The following CFAP77 variants were observed in gnomAD, a reference collection of about 807,000 sequenced individuals.
CFAP77 encodes cilia- and flagella-associated protein 77.
CFAP77 carries 25 observed loss-of-function variants against 31.1 expected under a neutral mutation model. The observed-to-expected ratio is 0.80, with a 90% CI of 0.59 to 1.12. CFAP77 has a LOEUF of 1.12. Ranked by LOEUF, CFAP77 falls within the 50% of genes most tolerant of loss-of-function variation. The probability of loss-of-function intolerance (pLI) is 0.00; values close to 1 mark genes in which losing one functional copy is unlikely to be tolerated. For missense variants in CFAP77, 377 were observed against 397.3 expected, an observed-to-expected ratio of 0.95 and a Z score of 0.44; for synonymous variants, 151 against 159.9, an observed-to-expected ratio of 0.94 and a Z score of 0.42.
chr9:132,483,936 CTTT>C (rs1193968732), intron 1 of CFAP77, among the ~76,000 whole-genome samples: 3 of 132,980 alleles, frequency 2.3e-5, no homozygotes. Context: ...GAGGTATTGT[CTTT>C]TTTTTTTTTT....
intron 4 of CFAP77, among the ~76,000 whole-genome samples, chr9:132,538,246 C>G (rs1431407868): frequency 6.6e-6 from 1 of 152,218 alleles, no homozygotes; most frequent in African/African-American, 2.4e-5. Context: ...GACGTGCATC[C>G]TCTCATCTAT....
rs1020872765 is a variant in CFAP77 at position 132,573,304 on chromosome 9, G to A, written c.*794G>A. 2 of 152,172 alleles carry A rather than the reference G, an allele frequency of 1.3e-5. No homozygotes were observed. Among genetic ancestry groups the A allele is most frequent in the South Asian group, 2.1e-4 (1 of 4,822 alleles). 9.4% of individuals were successfully genotyped at this position (152,172 alleles called of 1,614,324 possible). On this transcript the variant is annotated 3_prime_UTR_variant, in exon 6 of 6. Transcript: ENST00000393216. ...TGCTGATCTATTTTAAATTAAAAAT[G>A]CTATTTGTCATCCTCCTTTTGTGTC...
intron 1 of CFAP77, among the ~76,000 whole-genome samples, chr9:132,459,754 A>ATGTG (rs755805747): frequency 4.8e-4 from 63 of 132,190 alleles, no homozygotes; most frequent in Non-Finnish European, 8.6e-4. Flanking sequence ...GTGTGTGTGT[A>ATGTG]TGTGTGTGTA....
chr9:132,532,857 C>T (rs940631337), intron 3 of CFAP77, among the ~76,000 whole-genome samples: 3 of 151,998 alleles, frequency 2.0e-5, no homozygotes, highest in African/African-American at 4.8e-5. Flanking sequence ...GAGACCAGCC[C>T]GGGCAACATA....
intron 3 of CFAP77, among the ~76,000 whole-genome samples, chr9:132,506,987 C>T (rs967725787): frequency 3.3e-5 from 5 of 152,160 alleles, no homozygotes; most frequent in Admixed American, 3.3e-4. Flanking sequence ...TTTTCCAGCA[C>T]TAGAAGGGGG....
At chr9:132,426,114 C>T (rs1850308401) in intron 1 of CFAP77, among the ~76,000 whole-genome samples, 1 of 152,198 alleles carries the variant, frequency 6.6e-6, no homozygotes, top group African/African-American at 2.4e-5. Flanking sequence ...ATGTATATTT[C>T]TTTGTCTCCC....
chr9:132,538,883 C>G (rs937264589), intron 4 of CFAP77, among the ~76,000 whole-genome samples: 2 of 151,942 alleles, frequency 1.3e-5, no homozygotes, highest in Non-Finnish European at 2.9e-5. Flanking sequence ...GTCCGGAGAT[C>G]GAGACCATCC....
At chr9:132,522,422 G>C (rs1852285535) in intron 3 of CFAP77, among the ~76,000 whole-genome samples, 2 of 152,136 alleles carry the variant, frequency 1.3e-5, no homozygotes, top group Admixed American at 1.3e-4. Context: ...TGCTCATTTA[G>C]TGAGGATAAA....
At chr9:132,485,477 G>A (rs1324607861) in intron 1 of CFAP77, among the ~76,000 whole-genome samples, 6 of 152,158 alleles carry the variant, frequency 3.9e-5, no homozygotes, top group Admixed American at 3.3e-4. Context: ...CCAATCATGC[G>A]CCAAATGGTT....
chr9:132,508,004 C>T (rs1359158782), intron 3 of CFAP77, among the ~76,000 whole-genome samples: 3 of 152,182 alleles, frequency 2.0e-5, no homozygotes, highest in Non-Finnish European at 2.9e-5. Flanking sequence ...GGTCCCAGAG[C>T]GCAGGGAGAA....
intron 1 of CFAP77, among the ~76,000 whole-genome samples, chr9:132,417,154 G>A (rs11243772): frequency 0.12 from 16,504 of 141,726 alleles, 1,196 homozygotes; most frequent in East Asian, 0.36. Context: ...TCACTCTTTC[G>A]CCCAGGCTGG....
Position 132,487,886 on chromosome 9 carries a change from G to A in CFAP77, c.196-10809G>A, listed in dbSNP as rs541531301. Among the ~76,000 whole-genome samples the A allele has an allele frequency of 3.4e-4, 51 of 152,162 alleles. 1 individual carries two copies. Among genetic ancestry groups the A allele is most frequent in the African/African-American group, 1.2e-3 (48 of 41,504 alleles). On this transcript the variant is annotated intron_variant, in intron 1 of 5. Transcript: ENST00000393216. ...ATGGAAATAAATAAATATCCTCTAT[G>A]CTAATAATGATCACAATTTGCATTT...
rs1937311311 is a variant in CFAP77, at chr9:132,499,576, A to G, written c.500A>G (p.Asn167Ser). 6.2e-7 allele frequency: 1 copy of G among 1,614,082 alleles called. No individual in the cohort carries two copies. Among genetic ancestry groups the G allele is most frequent in the African/African-American group, 1.3e-5 (1 of 75,028 alleles). Reference sequence around the variant, plus strand: ...AAAGAGCCGCCCCCTCTCCCTCCAAACATGACATTTGGGATCCGGGCACGG... The same window carrying G: ...AAAGAGCCGCCCCCTCTCCCTCCAAGCATGACATTTGGGATCCGGGCACGG... ...MKKEPPPLPPNMTFGIRARPS... is the reference protein window; with the variant it reads ...MKKEPPPLPPSMTFGIRARPS... The change falls in exon 3 of 6, where the codon AAC (asparagine) becomes AGC (serine). Residue 167 changes from asparagine to serine, a missense_variant. Physicochemically the swap from Asn to Ser is conservative, Grantham distance 46. Transcript: ENST00000393216. This position sits in a 1 kb window ranked among gnomAD's most constrained non-coding sequence, Gnocchi z 5.4.
chr9:132,436,965 A>G (rs1022336637), intron 1 of CFAP77, among the ~76,000 whole-genome samples: 1 of 152,036 alleles, frequency 6.6e-6, no homozygotes, highest in Non-Finnish European at 1.5e-5. Flanking sequence ...TTTTCCCCCC[A>G]CCCCTACTTT....
At chr9:132,530,231 G>C (rs1428882892) in intron 3 of CFAP77, among the ~76,000 whole-genome samples, 4 of 149,382 alleles carry the variant, frequency 2.7e-5, no homozygotes, top group Non-Finnish European at 5.9e-5. Context: ...TCTCAACATG[G>C]GGGGATTACA....
At chr9:132,460,803 G>A (rs769832357) in intron 1 of CFAP77, among the ~76,000 whole-genome samples, 1 of 152,126 alleles carries the variant, frequency 6.6e-6, no homozygotes, top group African/African-American at 2.4e-5. Context: ...TCGGCTCACT[G>A]CAACCTCCGC....
At chr9:132,568,647 C>CA (rs1272638901) in intron 5 of CFAP77, among the ~76,000 whole-genome samples, 1 of 151,588 alleles carries the variant, frequency 6.6e-6, no homozygotes, top group Admixed American at 6.6e-5. Context: ...GGGTTCCCAC[C>CA]AAAAAAATCT....
rs1205306797 is a variant in CFAP77 at position 132,537,619 on chromosome 9, T to C, written c.543T>C (p.Phe181=). ...CCTCCAGGCCTTCCACACCCTTCTTTGATCTGCTGCAGCACCGGTACCTGC... is the reference window on the plus strand; with the variant it reads ...CCTCCAGGCCTTCCACACCCTTCTTCGATCTGCTGCAGCACCGGTACCTGC... ...GIRARPSTPF[F]DLLQHRYLQL... Residue 181 remains phenylalanine (F), a synonymous_variant, in exon 4 of 6, where the codon TTT becomes TTC. Transcript: ENST00000393216. 6.2e-7 allele frequency: 1 copy of C among 1,612,646 alleles called. No homozygotes were observed. The highest frequency in any genetic ancestry group is 1.3e-5 in the African/African-American group (1 of 74,838).
intron 5 of CFAP77, among the ~76,000 whole-genome samples, chr9:132,559,972 A>G (rs1028299450): frequency 2.6e-5 from 4 of 152,178 alleles, no homozygotes; most frequent in African/African-American, 9.7e-5. Context: ...AGAGTCCAAA[A>G]TAGGGAAAGC....
Sources: allele counts gnomAD v4.1 joint callset (sites outside exome capture counted in the v4.1 genomes callset), GRCh38; gene constraint gnomAD v4.1.1; non-coding constraint Gnocchi (gnomAD v3.1); transcripts MANE v1.5; gene names NCBI Gene and HGNC (gene_info 2026-07-23, HGNC 2026-07-21).